The following KIF25 variants were observed in gnomAD, a reference collection of about 807,000 sequenced individuals.
KIF25 encodes kinesin-like protein KIF25.
In KIF25, 19 loss-of-function variants were observed where a neutral mutation model predicts 32.9. The observed-to-expected ratio is 0.58, with a 90% CI of 0.40 to 0.85. KIF25 has a LOEUF of 0.85. Ranked by LOEUF, KIF25 falls within the 40% of genes least tolerant of loss-of-function variation. The pLI, the probability that KIF25 is intolerant of heterozygous loss-of-function variation, is 0.00. For missense variants in KIF25, 485 were observed against 507.0 expected (o/e 0.96, Z 0.42); for synonymous variants, 225 against 213.7 (o/e 1.05, Z -0.46).
At position 167,998,833 on chromosome 6, in the gene KIF25, C is replaced by T. The variant is rs1427391439; in HGVS notation, c.-636C>T. ...TTGGGAGGCCGAGGCGGGCGCATTACCTGAGGTCAGGAGTTCGAGACCAGC... is the reference window on the plus strand; with the variant it reads ...TTGGGAGGCCGAGGCGGGCGCATTATCTGAGGTCAGGAGTTCGAGACCAGC... On this transcript the variant is annotated 5_prime_UTR_variant, in exon 1 of 13. Transcript: ENST00000643607. 1 of 152,174 alleles carries T rather than the reference C, an allele frequency of 6.6e-6. No individual in the cohort carries two copies. The highest frequency in any genetic ancestry group is 1.5e-5 in the Non-Finnish European group (1 of 68,052). 9.4% of individuals were successfully genotyped at this position (152,174 alleles called of 1,614,324 possible). A position where few individuals can be genotyped will look rare whatever the true frequency, so the allele number is the denominator to read the frequency against.
intron 12 of KIF25, among the ~76,000 whole-genome samples, chr6:168,043,533 C>T (rs1396214611): frequency 2.0e-5 from 3 of 152,220 alleles, no homozygotes; most frequent in African/African-American, 4.8e-5. Flanking sequence ...GTATTTCCCC[C>T]TCTCATGGCA....
chr6:168,042,962 AG>A (rs1184287044), intron 12 of KIF25, among the ~76,000 whole-genome samples: 2 of 152,076 alleles, frequency 1.3e-5, no homozygotes, highest in African/African-American at 4.8e-5. Context: ...CAGTTTCTCA[AG>A]GGTGGCAGCC....
intron 5 of KIF25, among the ~76,000 whole-genome samples, chr6:168,020,971 G>A (rs113052561): frequency 0.013 from 1,935 of 152,244 alleles, 15 homozygotes; most frequent in Non-Finnish European, 0.019. Flanking sequence ...TTGTAGAAAC[G>A]AAAAAGCTGA....
chr6:168,027,048 C>T (rs1355776612), intron 5 of KIF25, among the ~76,000 whole-genome samples: 4 of 152,224 alleles, frequency 2.6e-5, no homozygotes, highest in East Asian at 1.9e-4. Flanking sequence ...CAGGAGGCTG[C>T]GCTGAGCTCA....
At chr6:168,001,649 G>A (rs573716799) in intron 2 of KIF25, among the ~76,000 whole-genome samples, 1 of 84,308 alleles carries the variant, frequency 1.2e-5, no homozygotes, top group African/African-American at 5.3e-5. Context: ...ACCTTCAGGC[G>A]TGGCCTCGGG....
intron 4 of KIF25, among the ~76,000 whole-genome samples, chr6:168,011,354 C>T (rs1405465579): frequency 6.6e-6 from 1 of 152,114 alleles, no homozygotes; most frequent in Admixed American, 6.5e-5. Context: ...ATGTAAGACA[C>T]CCTTGAGTAT....
At position 168,042,166 on chromosome 6, in the gene KIF25, G is replaced by T. The variant is rs746548312; in HGVS notation, c.829+15G>T. On this transcript the variant is annotated intron_variant, in intron 11 of 12. Transcript: ENST00000643607. Reference sequence around the variant, plus strand: ...CGAGTGCGTTGGTGAGCAGGGGCAGGCATTTCCCTGGGGGGTGGGTGCTGC... The same window carrying T: ...CGAGTGCGTTGGTGAGCAGGGGCAGTCATTTCCCTGGGGGGTGGGTGCTGC... 7.1e-6 allele frequency: 11 copies of T among 1,545,446 alleles called. No homozygotes were observed. In the Admixed American group the frequency reaches 2.2e-4, roughly 30 times the overall value.
chr6:168,001,697 TGAGAAGACACCTGAGGCGTGGCCGC>T, intron 2 of KIF25, among the ~76,000 whole-genome samples: 1 of 91,886 alleles, frequency 1.1e-5, no homozygotes, highest in South Asian at 4.7e-4. Context: ...CTCGGGCAGG[TGAGAAGACACCTGAGGCGTGGCCGC>T]GGGCAGGTGA....
intron 5 of KIF25, among the ~76,000 whole-genome samples, chr6:168,025,821 G>T (rs936923022): frequency 2.6e-5 from 4 of 152,224 alleles, no homozygotes; most frequent in Non-Finnish European, 4.4e-5. Context: ...TCCCCACGCG[G>T]CTTACACACA....
rs1405147065 is a variant in KIF25, at chr6:168,042,112, C to T, written c.790C>T (p.Arg264Ter). The change falls in exon 11 of 13, where the codon CGA (arginine) becomes TGA (stop). Residue 264 changes from arginine to a stop codon, truncating the protein, a stop_gained. Transcript: ENST00000643607. LOFTEE classifies it high-confidence loss of function. ...AGGGCATGCGGAGCAGGTGCAGGCT[C>T]GACTACAGCTCGTGGACTCGGCCGG... The part of the protein sequence containing the change: ...PAGHAEQVQA[R>*]LQLVDSAGSE... 60 of 1,551,292 alleles carry T rather than the reference C, an allele frequency of 3.9e-5. No homozygotes were observed. Among genetic ancestry groups the T allele is most frequent in the East Asian group, 7.3e-5 (3 of 41,076 alleles).
chr6:168,005,371 T>TGGCACAG (rs1250003730), intron 4 of KIF25, among the ~76,000 whole-genome samples: 11 of 151,662 alleles, frequency 7.3e-5, no homozygotes, highest in Non-Finnish European at 1.3e-4. Context: ...AGTTGAGGAG[T>TGGCACAG]GGCACAGCCT....
In KIF25 at chr6:167,998,561, A is replaced by T. The variant is rs1562377615; in HGVS notation, c.-908A>T. 1 of 152,360 alleles carries T rather than the reference A, an allele frequency of 6.6e-6. No homozygotes were observed. Among genetic ancestry groups the T allele is most frequent in the East Asian group, 1.9e-4 (1 of 5,190 alleles). 9.4% of individuals were successfully genotyped at this position (152,360 alleles called of 1,614,324 possible). ...CTGGAAACCAGTGGAGTTTATGAGAATAAAAAGCTTCTAATTTCCTTCCAG... is the reference window on the plus strand; with the variant it reads ...CTGGAAACCAGTGGAGTTTATGAGATTAAAAAGCTTCTAATTTCCTTCCAG... On this transcript the variant is annotated 5_prime_UTR_variant, in exon 1 of 13. Transcript: ENST00000643607.
At chr6:168,018,124 T>C (rs1009499766) in intron 5 of KIF25, 84 bp downstream of exon 5, 2 of 152,502 alleles carry the variant, frequency 1.3e-5, no homozygotes, top group Non-Finnish European at 1.5e-5. Context: ...TAATGAAATA[T>C]GTAATTTATC....
rs553296390 is a variant in KIF25, at chr6:168,023,101, C to G, written c.-95+5061C>G. Among the ~76,000 whole-genome samples, 5 of 152,110 alleles carry G rather than the reference C, an allele frequency of 3.3e-5. No homozygotes were observed. The South Asian group carries it at 1.0e-3, about 32-fold the overall frequency. On this transcript the variant is annotated intron_variant, in intron 5 of 12. Transcript: ENST00000643607. The stretch of plus-strand genomic sequence containing the variant: ...CCCTGGACTTGCACAGCCATGGCAC[C>G]TCCATGTCCTGCCTGCTGTCTCCAG...
At chr6:168,017,901 G>A (rs1798736881) in intron 4 of KIF25, 72 bp from the exon 5 acceptor site, 2 of 152,464 alleles carry the variant, frequency 1.3e-5, no homozygotes, top group African/African-American at 4.8e-5. Flanking sequence ...GGCAGGCTGG[G>A]GTTGGTGGGG....
chr6:168,036,569 A>G (rs1362186118), intron 8 of KIF25, among the ~76,000 whole-genome samples: 2 of 152,240 alleles, frequency 1.3e-5, no homozygotes, highest in Non-Finnish European at 2.9e-5. Context: ...CCTAGAATCT[A>G]GTCAACAGCC....
At chr6:168,033,289 C>G (rs180957966) in intron 7 of KIF25, among the ~76,000 whole-genome samples, 10 of 152,236 alleles carry the variant, frequency 6.6e-5, no homozygotes, top group Non-Finnish European at 1.0e-4. Flanking sequence ...CCCTTGAGTC[C>G]AGGAGTTTGA....
intron 5 of KIF25, among the ~76,000 whole-genome samples, chr6:168,020,283 C>G (rs1324037279): frequency 6.6e-6 from 1 of 152,142 alleles, no homozygotes; most frequent in Non-Finnish European, 1.5e-5. Context: ...ACCAGCACCT[C>G]TAAAGTACGG....
intron 10 of KIF25, among the ~76,000 whole-genome samples, chr6:168,041,362 G>A (rs559501455): frequency 1.1e-4 from 17 of 152,354 alleles, no homozygotes; most frequent in Admixed American, 7.8e-4. Context: ...AGGCACAGGC[G>A]TGTGATGTTT....
Sources: gnomAD v4.1 joint callset for allele counts (sites outside exome capture counted in the v4.1 genomes callset) on GRCh38, gnomAD v4.1.1 for gene constraint, MANE v1.5 for transcripts, NCBI Gene and HGNC (gene_info 2026-07-23, HGNC 2026-07-21) for gene names.